Variants in PLA2G4C observed in about 807,000 individuals in gnomAD.
PLA2G4C encodes cytosolic phospholipase A2 gamma.
Under a neutral mutation model 73.8 loss-of-function variants are expected in PLA2G4C, and 64 were observed. That is an observed-to-expected ratio of 0.87 (90% CI 0.71 to 1.07). The LOEUF is 1.07. Ranked by LOEUF, PLA2G4C falls within the 50% of genes least tolerant of loss-of-function variation. The pLI is 0.00. For missense variants in PLA2G4C, 622 were observed against 665.4 expected, an observed-to-expected ratio of 0.93 and a Z score of 0.72; for synonymous variants, 254 against 252.1, an observed-to-expected ratio of 1.01 and a Z score of -0.07.
chr19:48,092,573 C>T (rs2031369610), intron 7 of PLA2G4C, among the ~76,000 whole-genome samples: 1 of 152,102 alleles, frequency 6.6e-6, no homozygotes, highest in Non-Finnish European at 1.5e-5. Flanking sequence ...ATGATTCAGC[C>T]ATAAAAAGAA....
chr19:48,107,676 T>A (rs1291139643), intron 1 of PLA2G4C, among the ~76,000 whole-genome samples: 1 of 152,134 alleles, frequency 6.6e-6, no homozygotes, highest in Non-Finnish European at 1.5e-5. Context: ...GCCTGAGTGA[T>A]GTCAGGCCCG....
Position 48,088,720 on chromosome 19 carries a change from AG to A in PLA2G4C, c.764-9del, listed in dbSNP as rs1305580435. On this transcript the variant is annotated splice_polypyrimidine_tract_variant and intron_variant, in intron 8 of 16. Coordinates refer to ENST00000599921, the MANE Select transcript of PLA2G4C (RefSeq NM_003706.3). ...TCAGATTCCTTAACTGGTCTGCAAA[AG>A]AGTAGAAGCAGGAGGAATGTTTATC... The A allele has an allele frequency of 9.4e-6, 15 of 1,597,886 alleles. No individual in the cohort carries two copies. Among genetic ancestry groups the A allele is most frequent in the East Asian group, 2.2e-5 (1 of 44,810 alleles).
intron 14 of PLA2G4C, among the ~76,000 whole-genome samples, chr19:48,058,164 T>A (rs1178260036): frequency 6.6e-6 from 1 of 151,906 alleles, no homozygotes; most frequent in African/African-American, 2.4e-5. Flanking sequence ...CTGGGTGTGG[T>A]GGCGCATGCC....
In PLA2G4C at chr19:48,105,357, C is replaced by T. The variant is rs774085087; in HGVS notation, c.96G>A (p.Lys32=). 2.5e-6 allele frequency: 4 copies of T among 1,613,570 alleles called. No homozygotes were observed. The South Asian group carries it at 4.4e-5, about 18-fold the overall frequency. ...CCTCATCAGCCTCAATCCTTAGCTT[C>T]TTCAGAGCTTTCAGCACATGAAGTC... is the stretch of plus-strand genomic sequence containing the variant. ...RRRLHVLKAL[K]KLRIEADEAP... Residue 32 remains lysine (K), a synonymous_variant, in exon 3 of 17, where the codon AAG becomes AAA. Transcript: ENST00000599921.
Position 48,088,711 on chromosome 19 carries a change from G to T in PLA2G4C, c.765C>A (p.Asp255Glu). ...NTEVIREYIF[D>E]QLRNLTLKGL... ...CTTTCAGGGTCAGATTCCTTAACTG[G>T]TCTGCAAAAGAGTAGAAGCAGGAGG... Residue 255 changes from aspartate to glutamate, a missense_variant and splice_region_variant, in exon 9 of 17, where the codon GAC (aspartate) becomes GAA (glutamate). By Grantham distance (45) the Asp-to-Glu change is conservative. Coordinates refer to ENST00000599921, the MANE Select transcript of PLA2G4C (RefSeq NM_003706.3). 6.2e-7 allele frequency: 1 copy of T among 1,603,430 alleles called. No individual in the cohort carries two copies. Among genetic ancestry groups the T allele is most frequent in the Non-Finnish European group, 8.5e-7 (1 of 1,170,196 alleles).
chr19:48,055,052 G>C lies in PLA2G4C; in HGVS notation c.1258-3C>G, dbSNP rs774376646. On this transcript the variant is annotated splice_region_variant and splice_polypyrimidine_tract_variant and intron_variant, in intron 14 of 16. Transcript: ENST00000599921. ...TAGTCAGTGGTAGCCCGGATGGTCT[G>C]AGAAGGAGGCAATAAGAAATGGTTG... The C allele has an allele frequency of 8.8e-6, 14 of 1,595,316 alleles. No homozygotes were observed. Among genetic ancestry groups the C allele is most frequent in the Non-Finnish European group, 1.2e-5 (14 of 1,171,654 alleles).
intron 13 of PLA2G4C, among the ~76,000 whole-genome samples, chr19:48,065,276 T>TC (rs1491370558): frequency 1.7e-5 from 1 of 57,560 alleles, no homozygotes; most frequent in Non-Finnish European, 2.9e-5. Flanking sequence ...TGAGGAGGGG[T>TC]CGGGGGGGGG....
chr19:48,075,374 A>G (rs1436392540), intron 11 of PLA2G4C, among the ~76,000 whole-genome samples: 1 of 151,758 alleles, frequency 6.6e-6, no homozygotes, highest in East Asian at 1.9e-4. Context: ...TTTAGTACTG[A>G]TGGGGTTTTA....
chr19:48,077,446 G>A (rs11564600), intron 11 of PLA2G4C, among the ~76,000 whole-genome samples: 3,436 of 152,168 alleles, frequency 0.023, 54 homozygotes, highest in Non-Finnish European at 0.036. Context: ...AATCATAGAT[G>A]ACACAAACAA....
intron 3 of PLA2G4C, 111 bp from the exon 4 acceptor site, chr19:48,104,835 C>A (rs898575158): frequency 3.8e-6 from 4 of 1,047,714 alleles, no homozygotes; most frequent in South Asian, 1.6e-5. Flanking sequence ...GTAATCCCAG[C>A]ACATTGGGAG....
chr19:48,100,369 A>C lies in PLA2G4C; in HGVS notation c.258-509T>G, dbSNP rs2031832530. Among the ~76,000 whole-genome samples, 4 of 150,966 alleles carry C rather than the reference A, an allele frequency of 2.6e-5. No individual in the cohort carries two copies. In the South Asian group the frequency reaches 8.4e-4, roughly 32 times the overall value. On this transcript the variant is annotated intron_variant, in intron 4 of 16. Transcript: ENST00000599921. ...CCGTCTCCACTAAAAATACAGAAAA[A>C]TTAGCCAGGCGTGGTGGCATGCGTG...
chr19:48,084,267 C>T (rs1440122275), intron 10 of PLA2G4C, among the ~76,000 whole-genome samples: 1 of 152,014 alleles, frequency 6.6e-6, no homozygotes, highest in Non-Finnish European at 1.5e-5. Context: ...ACCATGTTAC[C>T]CAGCTTGCAC....
chr19:48,087,348 T>C lies in PLA2G4C; in HGVS notation c.790+1338A>G, dbSNP rs907868961. Reference sequence around the variant, plus strand: ...CTCTCTTCCACTGCCACAGGCACAGTTGGGGTTTCTCCCATGGGAGCTCAG... The same window carrying C: ...CTCTCTTCCACTGCCACAGGCACAGCTGGGGTTTCTCCCATGGGAGCTCAG... On this transcript the variant is annotated intron_variant, in intron 9 of 16. Coordinates refer to ENST00000599921, the MANE Select transcript of PLA2G4C (RefSeq NM_003706.3). 1.4e-4 allele frequency among the ~76,000 whole-genome samples: 22 copies of C among 152,252 alleles called. No homozygotes were observed. The South Asian group carries it at 3.1e-3, about 22-fold the overall frequency.
chr19:48,058,318 T>G (rs1051647172), intron 14 of PLA2G4C, among the ~76,000 whole-genome samples: 1 of 150,134 alleles, frequency 6.7e-6, no homozygotes, highest in Non-Finnish European at 1.5e-5. Flanking sequence ...AAAAAATTTG[T>G]GTGGAGATGG....
chr19:48,098,397 G>A, intron 5 of PLA2G4C, 138 bp from the exon 6 acceptor site: 2 of 690,230 alleles, frequency 2.9e-6, no homozygotes, highest in East Asian at 3.2e-5. Flanking sequence ...ACAATAATGG[G>A]CCACTACAGC....
intron 7 of PLA2G4C, among the ~76,000 whole-genome samples, chr19:48,095,179 A>C (rs2031502672): frequency 6.6e-6 from 1 of 152,062 alleles, no homozygotes; most frequent in African/African-American, 2.4e-5. Context: ...CACATTCTGA[A>C]TCTGCTTATT....
chr19:48,099,880 A>G lies in PLA2G4C; in HGVS notation c.258-20T>C, dbSNP rs1242778033. On this transcript the variant is annotated intron_variant, in intron 4 of 16. Transcript: ENST00000599921. ...ATTGCCCTGGAGGACAGAGGAAGAG[A>G]GTGAGTTGGGCATTTTAAGTGTGGA... The G allele has an allele frequency of 1.9e-6, 3 of 1,577,390 alleles. No individual in the cohort carries two copies. Among genetic ancestry groups the G allele is most frequent in the Non-Finnish European group, 2.6e-6 (3 of 1,149,886 alleles).
At chr19:48,086,445 C>A (rs1245442062) in intron 9 of PLA2G4C, among the ~76,000 whole-genome samples, 2 of 152,032 alleles carry the variant, frequency 1.3e-5, no homozygotes. Context: ...CCCCCTGATA[C>A]CCACAGGAGC....
In PLA2G4C at chr19:48,059,861, T is replaced by C. The variant is rs538999231; in HGVS notation, c.1257+2137A>G. On this transcript the variant is annotated intron_variant, in intron 14 of 16. Coordinates refer to ENST00000599921, the MANE Select transcript of PLA2G4C (RefSeq NM_003706.3). ...TTGGTTCACTGCAACCTCCGCCTCC[T>C]GGGTTCAAGTGATTCTCCTGCCTCA... is the stretch of plus-strand genomic sequence containing the variant. Among the ~76,000 whole-genome samples, 7 of 150,078 alleles carry C rather than the reference T, an allele frequency of 4.7e-5. No individual in the cohort carries two copies. In the South Asian group the frequency reaches 1.5e-3, roughly 32 times the overall value.
Sources: gnomAD v4.1 joint callset for allele counts (sites outside exome capture counted in the v4.1 genomes callset) on GRCh38, gnomAD v4.1.1 for gene constraint, MANE v1.5 for transcripts, NCBI Gene and HGNC (gene_info 2026-07-23, HGNC 2026-07-21) for gene names.